Variants in ANTXR1 observed in about 807,000 individuals in gnomAD.
The protein encoded by ANTXR1 is ANTXR cell adhesion molecule 1, also known as anthrax toxin receptor 1.
A neutral mutation model predicts 78.1 loss-of-function variants in ANTXR1; 19 were observed. The observed-to-expected ratio is 0.24, with a 90% confidence interval of 0.17 to 0.36. The LOEUF is 0.36. Ranked by LOEUF, ANTXR1 falls within the 10% of genes least tolerant of loss-of-function variation. ANTXR1 has a pLI of 1.00. For synonymous variants in ANTXR1, 273 were observed against 260.5 expected, an observed-to-expected ratio of 1.05 and a Z score of -0.46; for missense variants, 518 against 718.6, an observed-to-expected ratio of 0.72 and a Z score of 3.19.
intron 10 of ANTXR1, among the ~76,000 whole-genome samples, chr2:69,108,923 A>C (rs368048093): frequency 1.9e-4 from 29 of 152,232 alleles, no homozygotes; most frequent in African/African-American, 6.5e-4. Context: ...GTAAAGACAT[A>C]TATGATGAAA....
At chr2:69,217,939 C>T (rs1675219840) in intron 17 of ANTXR1, among the ~76,000 whole-genome samples, 1 of 152,190 alleles carries the variant, frequency 6.6e-6, no homozygotes, top group Non-Finnish European at 1.5e-5. Context: ...CCCTACTGGA[C>T]TGGCCCCAGG....
intron 14 of ANTXR1, among the ~76,000 whole-genome samples, chr2:69,176,356 C>T (rs1674118420): frequency 6.6e-6 from 1 of 152,136 alleles, no homozygotes; most frequent in Non-Finnish European, 1.5e-5. Context: ...GTTGTATTTA[C>T]AAACAGAAGT....
At chr2:69,116,021 G>C (rs919131891) in intron 10 of ANTXR1, among the ~76,000 whole-genome samples, 1 of 152,180 alleles carries the variant, frequency 6.6e-6, no homozygotes, top group Non-Finnish European at 1.5e-5. Flanking sequence ...ATTCGGCTTT[G>C]AATCTTCTCA....
At chr2:69,049,518 C>T (rs1669870547) in intron 3 of ANTXR1, among the ~76,000 whole-genome samples, 1 of 152,102 alleles carries the variant, frequency 6.6e-6, no homozygotes, top group African/African-American at 2.4e-5. Flanking sequence ...CCATGTTGGT[C>T]AGGCTGGTCT....
intron 12 of ANTXR1, among the ~76,000 whole-genome samples, chr2:69,135,363 T>C (rs1672879597): frequency 6.6e-6 from 1 of 152,192 alleles, no homozygotes; most frequent in Non-Finnish European, 1.5e-5. Flanking sequence ...AATAGTAAGA[T>C]GGTAGAACTA....
At chr2:69,065,116 TA>T (rs1221697779) in intron 3 of ANTXR1, among the ~76,000 whole-genome samples, 1 of 152,162 alleles carries the variant, frequency 6.6e-6, no homozygotes, top group African/African-American at 2.4e-5. Context: ...AATAAATTGA[TA>T]AACCACTGGT....
intron 1 of ANTXR1, among the ~76,000 whole-genome samples, chr2:69,026,579 G>T (rs903998299): frequency 6.6e-6 from 1 of 152,194 alleles, no homozygotes; most frequent in Non-Finnish European, 1.5e-5. Context: ...TCAGTTTGCT[G>T]ATCAATATGT....
At chr2:69,054,073 T>C (rs929478574) in intron 3 of ANTXR1, among the ~76,000 whole-genome samples, 2 of 152,200 alleles carry the variant, frequency 1.3e-5, no homozygotes, top group African/African-American at 2.4e-5. Flanking sequence ...ATTATATACC[T>C]GTAGCCTAGT....
intron 13 of ANTXR1, among the ~76,000 whole-genome samples, chr2:69,156,026 G>A (rs1238080783): frequency 1.3e-5 from 2 of 149,636 alleles, no homozygotes; most frequent in Non-Finnish European, 3.0e-5. Context: ...CTTCCCGGTG[G>A]TGTGTGTTCT....
chr2:69,130,677 C>T (rs568993436), intron 12 of ANTXR1, among the ~76,000 whole-genome samples: 53 of 152,156 alleles, frequency 3.5e-4, no homozygotes, highest in Non-Finnish European at 7.1e-4. Context: ...CAAAAAATGA[C>T]AGCTGTGTAT....
intron 14 of ANTXR1, among the ~76,000 whole-genome samples, chr2:69,176,991 G>A (rs1674140115): frequency 6.6e-6 from 1 of 152,196 alleles, no homozygotes; most frequent in Non-Finnish European, 1.5e-5. Context: ...AACTCCAGGG[G>A]ACGCTATTCA....
rs555367186 is a variant in ANTXR1 at position 69,219,550 on chromosome 2, T to G, written c.1435-25675T>G. On this transcript the variant is annotated intron_variant, in intron 17 of 17. Coordinates refer to ENST00000303714, the MANE Select transcript of ANTXR1 (RefSeq NM_032208.3). Reference sequence around the variant, plus strand: ...ACAATAAGCAATATTGAGTATTTCTTACTGAGTTGTATTGAGTCCTTCACC... The same window carrying G: ...ACAATAAGCAATATTGAGTATTTCTGACTGAGTTGTATTGAGTCCTTCACC... 1.5e-3 allele frequency among the ~76,000 whole-genome samples: 232 copies of G among 152,318 alleles called. 2 individuals are homozygous for G. The highest frequency in any genetic ancestry group is 5.3e-3 in the African/African-American group (222 of 41,572).
At chr2:69,170,375 C>G (rs1415984638) in intron 14 of ANTXR1, 86 bp downstream of exon 14, 27 of 1,482,020 alleles carry the variant, frequency 1.8e-5, no homozygotes, top group Non-Finnish European at 9.4e-7. Context: ...CACTTAGCCC[C>G]CTGCAGAGCA....
In ANTXR1 at chr2:69,126,715, T is replaced by C. The variant is rs150089363; in HGVS notation, c.951+2072T>C. ...AATACAGGGCTACAACTTTAAATCA[T>C]GGGCCTCTAATTAAGAAGAAAAGGT... On this transcript the variant is annotated intron_variant, in intron 12 of 17. Transcript: ENST00000303714. Among the ~76,000 whole-genome samples, 50 of 152,242 alleles carry C rather than the reference T, an allele frequency of 3.3e-4. No homozygotes were observed. The East Asian group carries it at 9.5e-3, about 29-fold the overall frequency.
chr2:69,016,842 G>T (rs1671041454), intron 1 of ANTXR1, among the ~76,000 whole-genome samples: 1 of 152,134 alleles, frequency 6.6e-6, no homozygotes, highest in Non-Finnish European at 1.5e-5. Context: ...TGTCAAGTGG[G>T]TCTCTAAACA....
chr2:69,071,556 A>G (rs1670566171), intron 4 of ANTXR1, among the ~76,000 whole-genome samples, 198 bp from the exon 5 acceptor site: 1 of 152,240 alleles, frequency 6.6e-6, no homozygotes, highest in Non-Finnish European at 1.5e-5. Flanking sequence ...TATGCAGCAC[A>G]TAACTGTATA....
chr2:69,242,219 A>C (rs1675912269), intron 17 of ANTXR1, among the ~76,000 whole-genome samples: 1 of 152,078 alleles, frequency 6.6e-6, no homozygotes, highest in African/African-American at 2.4e-5. Flanking sequence ...TGCTCTGGCC[A>C]AGACACCACG....
rs531657172 is a variant in ANTXR1, at chr2:69,150,109, G to C, written c.952-2060G>C. 1.3e-4 allele frequency among the ~76,000 whole-genome samples: 20 copies of C among 152,284 alleles called. No individual in the cohort carries two copies. In the South Asian group the frequency reaches 3.9e-3, roughly 30 times the overall value. Reference sequence around the variant, plus strand: ...AGGTGTTTAGTTCCCTGGCTTTTTGGTCAGAGACATTCCAGGGAGTTTCAG... The same window carrying C: ...AGGTGTTTAGTTCCCTGGCTTTTTGCTCAGAGACATTCCAGGGAGTTTCAG... On this transcript the variant is annotated intron_variant, in intron 12 of 17. Coordinates refer to ENST00000303714, the MANE Select transcript of ANTXR1 (RefSeq NM_032208.3).
At chr2:69,183,903 G>C (rs917861535) in intron 16 of ANTXR1, among the ~76,000 whole-genome samples, 1 of 152,050 alleles carries the variant, frequency 6.6e-6, no homozygotes, top group Non-Finnish European at 1.5e-5. Context: ...TACTGAGATA[G>C]GCAAAGTCCT....
Sources: allele counts gnomAD v4.1 joint callset (sites outside exome capture counted in the v4.1 genomes callset), GRCh38; gene constraint gnomAD v4.1.1; transcripts MANE v1.5; gene names NCBI Gene and HGNC (gene_info 2026-07-23, HGNC 2026-07-21).